The following KCNQ1 variants were observed in gnomAD, a reference collection of about 807,000 sequenced individuals.
KCNQ1 encodes the protein potassium voltage-gated channel subfamily KQT member 1.
KCNQ1 carries 49 observed loss-of-function variants against 72.4 expected under a neutral mutation model. That is an observed-to-expected ratio of 0.68 (90% confidence interval 0.54 to 0.86). The LOEUF (loss-of-function observed/expected upper bound fraction) is 0.86, where lower values mean the gene tolerates loss of function less well. Ranked by LOEUF, KCNQ1 falls within the 40% of genes least tolerant of loss-of-function variation. KCNQ1 has a pLI of 0.00. For synonymous variants in KCNQ1, 450 were observed against 412.6 expected, an observed-to-expected ratio of 1.09 and a Z score of -1.10; for missense variants, 790 against 945.1, an observed-to-expected ratio of 0.84 and a Z score of 2.15.
intron 1 of KCNQ1, among the ~76,000 whole-genome samples, chr11:2,512,722 A>G (rs1295931989): frequency 6.6e-6 from 1 of 152,144 alleles, no homozygotes; most frequent in African/African-American, 2.4e-5. Context: ...CTGCTGTTAC[A>G]GGGGATGCCT....
chr11:2,755,277 G>A (rs2133967384), intron 11 of KCNQ1, among the ~76,000 whole-genome samples: 1 of 152,036 alleles, frequency 6.6e-6, no homozygotes, highest in South Asian at 2.1e-4. Context: ...TTGTTGTATG[G>A]TTTTGCTCTG....
chr11:2,470,238 C>T (rs891829554), intron 1 of KCNQ1, among the ~76,000 whole-genome samples: 28 of 152,154 alleles, frequency 1.8e-4, no homozygotes, highest in Non-Finnish European at 2.9e-4. Context: ...CGTGAGGGCA[C>T]GCCCAGGAAA....
At position 2,668,396 on chromosome 11, in the gene KCNQ1, G is replaced by C. The variant is rs1249015000; in HGVS notation, c.1514+6315G>C. The C allele has an allele frequency of 7.5e-6, 3 of 398,442 alleles. No homozygotes were observed. In the Admixed American group the frequency reaches 1.3e-4, roughly 18 times the overall value. 24.7% of individuals were successfully genotyped at this position (398,442 alleles called of 1,614,324 possible). On this transcript the variant is annotated intron_variant, in intron 11 of 15. Transcript: ENST00000155840. This position sits in a 1 kb window ranked among gnomAD's most constrained non-coding sequence, Gnocchi z 4.3. ...AATACTACCCAGCAGTCTACCAAAG[G>C]AGTCATTCCAATTTTCATTCCCACA...
chr11:2,519,316 G>A (rs1201777355), intron 1 of KCNQ1, among the ~76,000 whole-genome samples: 1 of 152,252 alleles, frequency 6.6e-6, no homozygotes, highest in Admixed American at 6.5e-5. Context: ...GGTGAGAGAG[G>A]CGTCCCTGTG....
At chr11:2,778,460 C>CTCA (rs1846754168) in intron 15 of KCNQ1, among the ~76,000 whole-genome samples, 1 of 152,158 alleles carries the variant, frequency 6.6e-6, no homozygotes, top group Non-Finnish European at 1.5e-5. Flanking sequence ...TGGGGCCGGC[C>CTCA]GAGGGCTCAG....
At position 2,592,692 on chromosome 11, in the gene KCNQ1, G is replaced by A. The variant is rs182646509; in HGVS notation, c.1393+3838G>A. Among the ~76,000 whole-genome samples the A allele has an allele frequency of 2.0e-3, 306 of 152,306 alleles. No homozygotes were observed. The highest frequency in any genetic ancestry group is 6.9e-3 in the African/African-American group (285 of 41,564). Reference sequence around the variant, plus strand: ...AGGGACTGGGGACCTGCGAGGATGCGGTGGCCATTGTCTGTGCCCAGCCTG... The same window carrying A: ...AGGGACTGGGGACCTGCGAGGATGCAGTGGCCATTGTCTGTGCCCAGCCTG... On this transcript the variant is annotated intron_variant, in intron 10 of 15. Coordinates refer to ENST00000155840, the MANE Select transcript of KCNQ1 (RefSeq NM_000218.3). The surrounding 1 kb of genome is among the most constrained non-coding windows in gnomAD (Gnocchi z 5.2).
At chr11:2,845,829 C>T (rs911856092) in intron 15 of KCNQ1, among the ~76,000 whole-genome samples, 5 of 152,146 alleles carry the variant, frequency 3.3e-5, no homozygotes, top group Non-Finnish European at 5.9e-5. Context: ...GACAGACGCT[C>T]GGCCCCACTC....
At chr11:2,693,713 T>C (rs1014104475) in intron 11 of KCNQ1, 42 of 398,662 alleles carry the variant, frequency 1.1e-4, no homozygotes, top group East Asian at 4.3e-4. Flanking sequence ...TGGGCCTTCC[T>C]GGCTGGTGTG....
chr11:2,654,493 G>A lies in KCNQ1; in HGVS notation c.1394-7468G>A, dbSNP rs538850619. On this transcript the variant is annotated intron_variant, in intron 10 of 15. Coordinates refer to ENST00000155840, the MANE Select transcript of KCNQ1 (RefSeq NM_000218.3). The surrounding 1 kb of genome is among the most constrained non-coding windows in gnomAD (Gnocchi z 6.4). The stretch of plus-strand genomic sequence containing the variant: ...AAGCCCTGCAGCCGTACAGGGGAGG[G>A]GGCAATCTCCGGAGCCCTGGAAAGC... 7.0e-4 allele frequency: 280 copies of A among 398,794 alleles called. 2 individuals carry two copies. The highest frequency in any genetic ancestry group is 5.4e-3 in the African/African-American group (263 of 48,730). 24.7% of individuals were successfully genotyped at this position (398,794 alleles called of 1,614,324 possible).
At chr11:2,844,338 C>T (rs961698829) in intron 15 of KCNQ1, among the ~76,000 whole-genome samples, 11 of 152,214 alleles carry the variant, frequency 7.2e-5, no homozygotes, top group Non-Finnish European at 1.6e-4. Flanking sequence ...CCTGGCCCAC[C>T]CCCGGGGCCT....
At chr11:2,811,341 C>T (rs1180862909) in intron 15 of KCNQ1, among the ~76,000 whole-genome samples, 1 of 152,250 alleles carries the variant, frequency 6.6e-6, no homozygotes, top group East Asian at 1.9e-4. Flanking sequence ...TCTCTGCAAA[C>T]ACAGCTCCTC....
At chr11:2,520,402 C>G (rs1847360799) in intron 1 of KCNQ1, among the ~76,000 whole-genome samples, 1 of 152,206 alleles carries the variant, frequency 6.6e-6, no homozygotes, top group Non-Finnish European at 1.5e-5. Flanking sequence ...TCGGGAGATG[C>G]CTGGCCCAGG....
chr11:2,800,009 C>T (rs1048548853), intron 15 of KCNQ1, among the ~76,000 whole-genome samples: 6 of 152,220 alleles, frequency 3.9e-5, no homozygotes, highest in African/African-American at 7.2e-5. Flanking sequence ...GGGGTAGAAG[C>T]ATGGTGCCGG....
In KCNQ1 at chr11:2,809,126, A is replaced by G. The variant is rs1177813924; in HGVS notation, c.1794+31089A>G. ...TAGATGAATGAGTGGGCAGACAGACAGACACACCATCAGAAGCAAATATAA... is the reference window on the plus strand; with the variant it reads ...TAGATGAATGAGTGGGCAGACAGACGGACACACCATCAGAAGCAAATATAA... On this transcript the variant is annotated intron_variant, in intron 15 of 15. Coordinates refer to ENST00000155840, the MANE Select transcript of KCNQ1 (RefSeq NM_000218.3). This position sits in a 1 kb window ranked among gnomAD's most constrained non-coding sequence, Gnocchi z 7.1. Among the ~76,000 whole-genome samples, 1 of 152,212 alleles carries G rather than the reference A, an allele frequency of 6.6e-6. No homozygotes were observed. Among genetic ancestry groups the G allele is most frequent in the East Asian group, 1.9e-4 (1 of 5,202 alleles).
chr11:2,506,758 C>T (rs926944432), intron 1 of KCNQ1, among the ~76,000 whole-genome samples: 15 of 152,220 alleles, frequency 9.9e-5, no homozygotes, highest in African/African-American at 3.4e-4. Flanking sequence ...GCGCCAGCAG[C>T]GTGCTGTCAC....
rs570972972 is a variant in KCNQ1 at position 2,785,038 on chromosome 11, G to C, written c.1794+7001G>C. On this transcript the variant is annotated intron_variant, in intron 15 of 15. Transcript: ENST00000155840. The surrounding 1 kb of genome is among the most constrained non-coding windows in gnomAD (Gnocchi z 4.4). ...TTCTTTGTTTTGCCTAATTGCACTG[G>C]CTTGAACTTCAAAAAAAATATTGAC... Among the ~76,000 whole-genome samples, 1 of 152,050 alleles carries C rather than the reference G, an allele frequency of 6.6e-6. No individual in the cohort carries two copies. The highest frequency in any genetic ancestry group is 1.9e-4 in the East Asian group (1 of 5,184).
intron 11 of KCNQ1, among the ~76,000 whole-genome samples, chr11:2,737,393 C>T (rs1312598967): frequency 2.6e-5 from 4 of 152,170 alleles, no homozygotes; most frequent in Admixed American, 2.6e-4. Flanking sequence ...GTGCAGCAGG[C>T]CCAGACCCAC....
At chr11:2,533,852 A>C (rs1416802300) in intron 2 of KCNQ1, among the ~76,000 whole-genome samples, 1 of 152,242 alleles carries the variant, frequency 6.6e-6, no homozygotes, top group Admixed American at 6.5e-5. Context: ...ACTCAAAAGC[A>C]CAACACAAAC....
chr11:2,455,779 A>C (rs112948720), intron 1 of KCNQ1, among the ~76,000 whole-genome samples: 9,669 of 152,318 alleles, frequency 0.063, 423 homozygotes, highest in Non-Finnish European at 0.097. Flanking sequence ...CAGAGGCATC[A>C]CATTACCTGA....
Sources: allele counts gnomAD v4.1 joint callset (sites outside exome capture counted in the v4.1 genomes callset), GRCh38; gene constraint gnomAD v4.1.1; non-coding constraint Gnocchi (gnomAD v3.1); transcripts MANE v1.5; gene names NCBI Gene and HGNC (gene_info 2026-07-23, HGNC 2026-07-21).